SLC71A2: variants seen among roughly 807,000 people sequenced by gnomAD.
SLC71A2 encodes the protein solute carrier family 71 member 2, also known as hippocampus abundant transcript-like 1.
the SLC71A2 span, among the ~76,000 whole-genome samples, chr9:94,396,639 G>A: frequency 6.6e-6 from 1 of 152,248 alleles, no homozygotes; most frequent in South Asian, 2.1e-4. Context: ...TGCCAGTATA[G>A]CACAAAAGCA....
chr9:94,442,657 C>T, the SLC71A2 span, among the ~76,000 whole-genome samples: 14 of 150,716 alleles, frequency 9.3e-5, no homozygotes, highest in East Asian at 2.5e-3. Context: ...TCGAGACCAT[C>T]CTGGCCAACA....
the SLC71A2 span, chr9:94,459,309 C>T: frequency 1.2e-6 from 2 of 1,614,030 alleles, no homozygotes; most frequent in South Asian, 1.1e-5. Context: ...ACCAACACCC[C>T]AGAACGGGGC....
chr9:94,446,796 A>T, the SLC71A2 span: 2 of 1,204,056 alleles, frequency 1.7e-6, no homozygotes, highest in Non-Finnish European at 2.5e-6. Flanking sequence ...TTGGCATTTT[A>T]AGTGTGTTCT....
the SLC71A2 span, among the ~76,000 whole-genome samples, chr9:94,392,796 G>A: frequency 6.6e-6 from 1 of 152,022 alleles, no homozygotes; most frequent in Admixed American, 6.6e-5. Flanking sequence ...ACCACACCCG[G>A]CTTAAAAGCA....
At chr9:94,407,540 G>A in the SLC71A2 span, among the ~76,000 whole-genome samples, 5 of 152,014 alleles carry the variant, frequency 3.3e-5, no homozygotes, top group South Asian at 2.1e-4. Flanking sequence ...TACCACGCCC[G>A]GCTAATTTTT....
At chr9:94,457,278 A>C in the SLC71A2 span, among the ~76,000 whole-genome samples, 1 of 152,222 alleles carries the variant, frequency 6.6e-6, no homozygotes, top group East Asian at 1.9e-4. Context: ...CCTTTCAAGC[A>C]GTTCCCATGG....
At chr9:94,446,733 T>G in the SLC71A2 span, 1 of 656,810 alleles carries the variant, frequency 1.5e-6, no homozygotes, top group African/African-American at 1.9e-5. Context: ...TTCATCTTAA[T>G]AGATCAAAAT....
chr9:94,424,401 A>T, the SLC71A2 span, among the ~76,000 whole-genome samples: 1 of 151,390 alleles, frequency 6.6e-6, no homozygotes, highest in Non-Finnish European at 1.5e-5. Context: ...TGCCTGGCTA[A>T]TTTTTGTATT....
At chr9:94,375,102 A>T in the SLC71A2 span, among the ~76,000 whole-genome samples, 2 of 152,026 alleles carry the variant, frequency 1.3e-5, no homozygotes, top group Non-Finnish European at 2.9e-5. Context: ...GTGACTGCTC[A>T]TCGCAGACAA....
chr9:94,457,756 A>G, the SLC71A2 span, among the ~76,000 whole-genome samples: 4 of 152,366 alleles, frequency 2.6e-5, no homozygotes, highest in East Asian at 5.8e-4. Context: ...TTTGGAACAC[A>G]TTGTATTAGG....
chr9:94,455,106 C>T, the SLC71A2 span, among the ~76,000 whole-genome samples: 1 of 143,498 alleles, frequency 7.0e-6, no homozygotes, highest in Admixed American at 7.0e-5. Flanking sequence ...GGAGTAAGTA[C>T]ATATGCCCCT....
the SLC71A2 span, among the ~76,000 whole-genome samples, chr9:94,390,737 C>T: frequency 6.6e-6 from 1 of 152,168 alleles, no homozygotes; most frequent in Admixed American, 6.5e-5. Flanking sequence ...TTCTTTCCTT[C>T]TCCTTTGTGT....
chr9:94,454,390 C>T, the SLC71A2 span, among the ~76,000 whole-genome samples: 3 of 151,916 alleles, frequency 2.0e-5, no homozygotes, highest in Admixed American at 6.6e-5. Flanking sequence ...TTCCCTGAGA[C>T]GGAGTCTCAC....
the SLC71A2 span, among the ~76,000 whole-genome samples, chr9:94,434,437 C>T: frequency 1.3e-5 from 2 of 152,180 alleles, no homozygotes; most frequent in Non-Finnish European, 2.9e-5. Context: ...CTGCCTCAGA[C>T]TCCCAAGTAG....
chr9:94,397,748 T>C, the SLC71A2 span, among the ~76,000 whole-genome samples: 1 of 152,194 alleles, frequency 6.6e-6, no homozygotes, highest in Non-Finnish European at 1.5e-5. Context: ...TCAATTGAGA[T>C]TAATCTTGTT....
the SLC71A2 span, among the ~76,000 whole-genome samples, chr9:94,408,849 A>G: frequency 1.4e-5 from 2 of 138,256 alleles, no homozygotes; most frequent in Admixed American, 7.3e-5. Context: ...TTTGAGACGG[A>G]GTCTCGCTCT....
At chr9:94,440,054 A>T in the SLC71A2 span, among the ~76,000 whole-genome samples, 2 of 152,188 alleles carry the variant, frequency 1.3e-5, no homozygotes, top group African/African-American at 4.8e-5. Context: ...TTAGACTGAA[A>T]AATATTCCTA....
the SLC71A2 span, among the ~76,000 whole-genome samples, chr9:94,384,230 A>G: frequency 1.3e-5 from 2 of 151,814 alleles, no homozygotes; most frequent in African/African-American, 2.4e-5. Flanking sequence ...GATACCTCAT[A>G]TATATGGAAT....
chr9:94,421,975 G>A, the SLC71A2 span, among the ~76,000 whole-genome samples: 2 of 151,592 alleles, frequency 1.3e-5, no homozygotes, highest in Non-Finnish European at 2.9e-5. Context: ...GTGCAGTTGC[G>A]CTATCTCGGC....
Sources: gnomAD v4.1 joint callset for allele counts (sites outside exome capture counted in the v4.1 genomes callset) on GRCh38, gnomAD v4.1.1 for gene constraint, MANE v1.5 for transcripts, NCBI Gene and HGNC (gene_info 2026-07-23, HGNC 2026-07-21) for gene names.